BTG4: variants seen among roughly 807,000 people sequenced by gnomAD.
BTG4 encodes protein BTG4.
BTG4 carries 10 observed loss-of-function variants against 19.3 expected under a neutral mutation model. The ratio of observed to expected loss-of-function variants is 0.52; its 90% CI spans 0.32 to 0.88. The LOEUF is 0.88. BTG4 is among the 40% of genes least tolerant of loss of function. The pLI is 0.04. For missense variants in BTG4, 238 were observed against 281.9 expected (o/e 0.84, Z 1.11); for synonymous variants, 91 against 95.7 (o/e 0.95, Z 0.29).
At chr11:111,443,045 A>G in the BTG4 span, among the ~76,000 whole-genome samples, 1 of 152,340 alleles carries the variant, frequency 6.6e-6, no homozygotes, top group Admixed American at 6.5e-5. Flanking sequence ...ATCAAGGTCA[A>G]CACCAACAGT....
At chr11:111,434,139 T>A in the BTG4 span, among the ~76,000 whole-genome samples, 1 of 152,298 alleles carries the variant, frequency 6.6e-6, no homozygotes, top group East Asian at 1.9e-4. Context: ...AGCAAAGACT[T>A]GGAACCAACC....
chr11:111,483,873 A>G (rs1864889750), intron 5 of BTG4, among the ~76,000 whole-genome samples: 1 of 152,168 alleles, frequency 6.6e-6, no homozygotes, highest in African/African-American at 2.4e-5. Flanking sequence ...CAAGTACAAG[A>G]AGGTCATAGG....
At chr11:111,499,822 T>C (rs1865958205) in intron 1 of BTG4, among the ~76,000 whole-genome samples, 1 of 152,198 alleles carries the variant, frequency 6.6e-6, no homozygotes, top group African/African-American at 2.4e-5. Context: ...CCATGTGATC[T>C]GGACTCACTG....
intron 5 of BTG4, among the ~76,000 whole-genome samples, chr11:111,484,039 G>A (rs185699441): frequency 6.6e-6 from 1 of 152,250 alleles, no homozygotes; most frequent in East Asian, 1.9e-4. Context: ...CATCTTCATG[G>A]AAATCTCACA....
chr11:111,449,981 T>A, the BTG4 span: 1 of 152,400 alleles, frequency 6.6e-6, no homozygotes, highest in Non-Finnish European at 1.5e-5. Flanking sequence ...GACATGCCTA[T>A]GTGCAGGGTC....
At chr11:111,512,145 T>C (rs1289987902) in intron 1 of BTG4, 36 bp downstream of exon 1, 1 of 152,146 alleles carries the variant, frequency 6.6e-6, no homozygotes, top group African/African-American at 2.4e-5. Context: ...CAAGCCCACC[T>C]CCATTTGGAA....
intron 5 of BTG4, among the ~76,000 whole-genome samples, chr11:111,479,115 C>A (rs1864581164): frequency 6.6e-6 from 1 of 151,850 alleles, no homozygotes. Context: ...TGAAAGCAGC[C>A]AGAGAAAAAT....
chr11:111,418,436 G>A, the BTG4 span, among the ~76,000 whole-genome samples: 1 of 152,110 alleles, frequency 6.6e-6, no homozygotes, highest in South Asian at 2.1e-4. Context: ...TCTTCAGGTG[G>A]GCTCAAGGTG....
downstream of BTG4, among the ~76,000 whole-genome samples, chr11:111,489,875 G>A (rs1343037342): frequency 3.3e-5 from 5 of 152,094 alleles, no homozygotes; most frequent in African/African-American, 9.7e-5. Context: ...TTGGGTGAGT[G>A]GGGATTGTTA....
chr11:111,499,365 T>C (rs1452387514), intron 1 of BTG4, among the ~76,000 whole-genome samples: 1 of 152,240 alleles, frequency 6.6e-6, no homozygotes, highest in Non-Finnish European at 1.5e-5. Flanking sequence ...TATATAAGCC[T>C]GGGCCCTAAA....
At chr11:111,499,440 T>C (rs908999427) in intron 1 of BTG4, among the ~76,000 whole-genome samples, 1 of 152,228 alleles carries the variant, frequency 6.6e-6, no homozygotes, top group Non-Finnish European at 1.5e-5. Flanking sequence ...CTTTTTCATA[T>C]GCCAATCTGG....
At chr11:111,480,875 T>C (rs1321782401) in intron 5 of BTG4, among the ~76,000 whole-genome samples, 1 of 151,336 alleles carries the variant, frequency 6.6e-6, no homozygotes, top group Non-Finnish European at 1.5e-5. Flanking sequence ...AATCTTAGCT[T>C]CTACCCCAAA....
In BTG4 at chr11:111,480,418, T is replaced by C. The variant is rs112470844; in HGVS notation, c.663-12737A>G. On this transcript the variant is annotated intron_variant, in intron 5 of 5. Transcript: ENST00000356018. ...GCAATTTATAGAACTAGACAGAAAA[T>C]CAGCAAGGATATAAAAGAACTCGAC... Among the ~76,000 whole-genome samples the C allele has an allele frequency of 9.6e-3, 1,454 of 151,856 alleles. 14 individuals carry two copies. Among genetic ancestry groups the C allele is most frequent in the African/African-American group, 0.033 (1,363 of 41,428 alleles).
intron 1 of BTG4, among the ~76,000 whole-genome samples, chr11:111,507,070 C>T: frequency 6.6e-6 from 1 of 150,556 alleles, no homozygotes; most frequent in Middle Eastern, 3.4e-3. Flanking sequence ...AAGTTTCCCA[C>T]TTTAAAAAAA....
At chr11:111,459,251 A>T in the BTG4 span, among the ~76,000 whole-genome samples, 2 of 152,126 alleles carry the variant, frequency 1.3e-5, no homozygotes, top group African/African-American at 4.8e-5. Context: ...AAAAAAAAAA[A>T]ATTGTGCATA....
At chr11:111,483,911 A>G (rs1314132396) in intron 5 of BTG4, among the ~76,000 whole-genome samples, 1 of 152,166 alleles carries the variant, frequency 6.6e-6, no homozygotes, top group Non-Finnish European at 1.5e-5. Context: ...CCTAAATAAG[A>G]CTATCTCAAG....
chr11:111,471,119 A>G (rs779801965), intron 5 of BTG4, among the ~76,000 whole-genome samples: 2 of 152,198 alleles, frequency 1.3e-5, no homozygotes, highest in Non-Finnish European at 2.9e-5. Flanking sequence ...ACTTTTATAT[A>G]TAGTGTCACT....
In BTG4 at chr11:111,494,990, A is replaced by T; in HGVS notation, c.*145T>A. On this transcript the variant is annotated 3_prime_UTR_variant, in exon 5 of 5. Transcript: ENST00000692032. ...ACAGCTAAGAACAGTGATGATCTGT[A>T]TGAGAGGATTTACCATTGTGTACCC... is the stretch of plus-strand genomic sequence containing the variant. 1.0e-6 allele frequency: 1 copy of T among 985,382 alleles called. No individual in the cohort carries two copies. The highest frequency in any genetic ancestry group is 1.2e-6 in the Non-Finnish European group (1 of 829,894). 61.0% of individuals were successfully genotyped at this position (985,382 alleles called of 1,614,324 possible).
At chr11:111,443,574 ATAACT>A in the BTG4 span, among the ~76,000 whole-genome samples, 1 of 152,236 alleles carries the variant, frequency 6.6e-6, no homozygotes, top group Non-Finnish European at 1.5e-5. Flanking sequence ...AAAAACTTAC[ATAACT>A]TAAAAACAGA....
Sources: allele counts gnomAD v4.1 joint callset (sites outside exome capture counted in the v4.1 genomes callset), GRCh38; gene constraint gnomAD v4.1.1; transcripts MANE v1.5; gene names NCBI Gene and HGNC (gene_info 2026-07-23, HGNC 2026-07-21).